DIAPH2: variants seen among roughly 807,000 people sequenced by gnomAD.
The protein encoded by DIAPH2 is protein diaphanous homolog 2.
DIAPH2 carries 35 observed loss-of-function variants against 92.7 expected under a neutral mutation model. The ratio of observed to expected loss-of-function variants is 0.38; its 90% CI spans 0.29 to 0.50. DIAPH2 has a LOEUF of 0.50. Among genes scored for constraint, DIAPH2 ranks in the 20% least tolerant of loss-of-function variants. The probability of loss-of-function intolerance (pLI) is 0.94; values close to 1 mark genes in which losing one functional copy is unlikely to be tolerated. For synonymous variants in DIAPH2, 301 were observed against 280.4 expected, an observed-to-expected ratio of 1.07 and a Z score of -0.73; for missense variants, 701 against 819.5, an observed-to-expected ratio of 0.86 and a Z score of 1.77.
intron 1 of DIAPH2, among the ~76,000 whole-genome samples, chrX:96,720,570 A>T (rs1463977241): frequency 9.0e-6 from 1 of 111,600 alleles, no homozygotes; most frequent in Non-Finnish European, 1.9e-5. Context: ...TTTTATTAGC[A>T]TAACTTTGTA....
intron 23 of DIAPH2, among the ~76,000 whole-genome samples, chrX:97,344,065 G>C (rs747757341): frequency 1.8e-5 from 2 of 111,903 alleles, no homozygotes; most frequent in South Asian, 3.7e-4. Context: ...GGAAGGAAAG[G>C]TATATAATAA....
chrX:97,466,754 A>G (rs1336677198), intron 26 of DIAPH2, among the ~76,000 whole-genome samples: 2 of 112,258 alleles, frequency 1.8e-5, no homozygotes, highest in African/African-American at 6.5e-5. Flanking sequence ...CCAAAGCCCC[A>G]GAGGAGGTAG....
At chrX:97,579,776 G>A (rs1264310598) in intron 26 of DIAPH2, among the ~76,000 whole-genome samples, 2 of 110,326 alleles carry the variant, frequency 1.8e-5, no homozygotes, top group East Asian at 2.8e-4. Context: ...CCATTTTCAC[G>A]ATATTGATTC....
intron 24 of DIAPH2, among the ~76,000 whole-genome samples, chrX:97,362,718 G>C (rs2069337632): frequency 8.9e-6 from 1 of 112,358 alleles, no homozygotes; most frequent in African/African-American, 3.2e-5. Flanking sequence ...CCATCATGGA[G>C]CCAAATGTGG....
At chrX:97,195,072 G>C (rs191745096) in intron 22 of DIAPH2, among the ~76,000 whole-genome samples, 124 of 111,873 alleles carry the variant, frequency 1.1e-3, no homozygotes, top group African/African-American at 4.0e-3. Context: ...ATAGGGCTGG[G>C]CTTACTGAGC....
At chrX:97,254,610 A>G (rs940428245) in intron 23 of DIAPH2, among the ~76,000 whole-genome samples, 6 of 110,464 alleles carry the variant, frequency 5.4e-5, no homozygotes, top group Admixed American at 9.7e-5. Flanking sequence ...AGGAATATCT[A>G]TATCTATATA....
rs770713323 is a variant in DIAPH2, at chrX:96,843,089, A to G, written c.448-38490A>G. 4.5e-5 allele frequency among the ~76,000 whole-genome samples: 5 copies of G among 111,499 alleles called. No individual in the cohort carries two copies. In the East Asian group the frequency reaches 1.4e-3, roughly 31 times the overall value. On this transcript the variant is annotated intron_variant, in intron 4 of 26. Coordinates refer to ENST00000324765, the MANE Select transcript of DIAPH2 (RefSeq NM_006729.5). Reference sequence around the variant, plus strand: ...GGGCCTGGTGGGATGTGATTGGATCATGGGAGCGTTTTTCTCATGAATGGT... The same window carrying G: ...GGGCCTGGTGGGATGTGATTGGATCGTGGGAGCGTTTTTCTCATGAATGGT...
At chrX:96,968,522 A>G (rs2147828780) in intron 17 of DIAPH2, among the ~76,000 whole-genome samples, 1 of 111,656 alleles carries the variant, frequency 9.0e-6, no homozygotes, top group South Asian at 3.7e-4. Flanking sequence ...CCTGGCCCAT[A>G]TGTCTTCTTT....
intron 26 of DIAPH2, among the ~76,000 whole-genome samples, chrX:97,504,786 A>G (rs1033648208): frequency 1.8e-5 from 2 of 112,256 alleles, no homozygotes; most frequent in Non-Finnish European, 3.8e-5. Context: ...TTAAACCCAG[A>G]AAGATTTAGT....
intron 3 of DIAPH2, among the ~76,000 whole-genome samples, chrX:96,745,489 C>T (rs902934203): frequency 1.3e-4 from 15 of 112,218 alleles, no homozygotes; most frequent in African/African-American, 4.2e-4. Flanking sequence ...TCCTTTCTTA[C>T]TCTGAAAATT....
At chrX:97,507,374 A>T (rs906903384) in intron 26 of DIAPH2, among the ~76,000 whole-genome samples, 18 of 110,881 alleles carry the variant, frequency 1.6e-4, no homozygotes, top group Admixed American at 1.3e-3. Context: ...TGCATTTTTT[A>T]AATCTTTATA....
At chrX:97,015,684 C>T (rs1395129687) in intron 17 of DIAPH2, among the ~76,000 whole-genome samples, 1 of 108,534 alleles carries the variant, frequency 9.2e-6, no homozygotes, top group Non-Finnish European at 1.9e-5. Flanking sequence ...TAAGCAAATA[C>T]TGCCTCAAAA....
chrX:96,888,626 CACAGA>C (rs1569421271), intron 5 of DIAPH2, among the ~76,000 whole-genome samples: 5 of 94,624 alleles, frequency 5.3e-5, no homozygotes, highest in Non-Finnish European at 8.2e-5. Flanking sequence ...TATATATATA[CACAGA>C]TATATATATC....
At chrX:97,356,568 C>G (rs2069269505) in intron 24 of DIAPH2, among the ~76,000 whole-genome samples, 1 of 112,021 alleles carries the variant, frequency 8.9e-6, no homozygotes, top group Non-Finnish European at 1.9e-5. Flanking sequence ...AGAGAGCAGA[C>G]TTTACTGTAT....
At chrX:97,032,018 A>C (rs1021075040) in intron 17 of DIAPH2, among the ~76,000 whole-genome samples, 3 of 111,955 alleles carry the variant, frequency 2.7e-5, no homozygotes, top group African/African-American at 9.7e-5. Context: ...ACTTTTAGGG[A>C]AAGTGGTAAG....
intron 17 of DIAPH2, among the ~76,000 whole-genome samples, chrX:96,982,732 A>G (rs1226406233): frequency 8.9e-6 from 1 of 112,246 alleles, no homozygotes; most frequent in African/African-American, 3.2e-5. Context: ...AATGCTGACA[A>G]TTTAAGCATT....
intron 22 of DIAPH2, among the ~76,000 whole-genome samples, chrX:97,147,243 G>A (rs2067253789): frequency 9.0e-6 from 1 of 110,918 alleles, no homozygotes; most frequent in African/African-American, 3.3e-5. Flanking sequence ...TTTCATTCAA[G>A]ATTGGCATAC....
At chrX:96,824,968 CAG>C (rs1392629825) in intron 4 of DIAPH2, among the ~76,000 whole-genome samples, 2 of 103,729 alleles carry the variant, frequency 1.9e-5, no homozygotes, top group Non-Finnish European at 3.9e-5. Flanking sequence ...TTTTTTGAGA[CAG>C]AGTCTCACTC....
chrX:96,937,482 T>TAATATATAAACA, intron 11 of DIAPH2, 131 bp downstream of exon 11: 1 of 369,421 alleles, frequency 2.7e-6, no homozygotes, highest in Non-Finnish European at 4.9e-6. Flanking sequence ...TATTAGAACC[T>TAATATATAAACA]TACTATGATG....
Sources: allele counts gnomAD v4.1 joint callset (sites outside exome capture counted in the v4.1 genomes callset), GRCh38; gene constraint gnomAD v4.1.1; transcripts MANE v1.5; gene names NCBI Gene and HGNC (gene_info 2026-07-23, HGNC 2026-07-21).